ATRNL1: variants seen among roughly 807,000 people sequenced by gnomAD.
ATRNL1 encodes the protein attractin like 1.
A neutral mutation model predicts 182.7 loss-of-function variants in ATRNL1; 95 were observed. The ratio of observed to expected loss-of-function variants is 0.52; its 90% CI spans 0.44 to 0.62. The LOEUF (loss-of-function observed/expected upper bound fraction) is 0.62, where lower values mean the gene tolerates loss of function less well. ATRNL1 is among the 20% of genes least tolerant of loss of function. ATRNL1 has a pLI of 0.00. For synonymous variants in ATRNL1, 576 were observed against 568.3 expected (o/e 1.01, Z -0.19); for missense variants, 1,471 against 1,679.5 (o/e 0.88, Z 2.17).
chr10:115,805,740 GT>G (rs1383795922), intron 27 of ATRNL1, among the ~76,000 whole-genome samples: 2 of 152,124 alleles, frequency 1.3e-5, no homozygotes, highest in African/African-American at 4.8e-5. Context: ...GTGACTAAAA[GT>G]TGTATCTGGT....
At chr10:115,881,692 ATCT>A (rs1197324234) in intron 28 of ATRNL1, among the ~76,000 whole-genome samples, 6 of 152,196 alleles carry the variant, frequency 3.9e-5, no homozygotes, top group African/African-American at 9.7e-5. Flanking sequence ...ATTATAGGCT[ATCT>A]TCTTCTTCCA....
chr10:115,392,341 A>G (rs1844071062), intron 19 of ATRNL1, among the ~76,000 whole-genome samples: 1 of 152,178 alleles, frequency 6.6e-6, no homozygotes. Context: ...TATTCAGTGC[A>G]ATACATTTTT....
chr10:115,787,404 C>T (rs939648597), intron 27 of ATRNL1, among the ~76,000 whole-genome samples: 1 of 152,076 alleles, frequency 6.6e-6, no homozygotes, highest in African/African-American at 2.4e-5. Flanking sequence ...TCCAGGAATA[C>T]TATTCTTTAC....
chr10:115,868,415 A>C (rs1204969439), intron 28 of ATRNL1, among the ~76,000 whole-genome samples: 1 of 152,136 alleles, frequency 6.6e-6, no homozygotes, highest in Non-Finnish European at 1.5e-5. Context: ...CATTTTCTCC[A>C]ACCCACTCAT....
At chr10:115,639,064 G>GAGTTCCC (rs1288799625) in intron 26 of ATRNL1, among the ~76,000 whole-genome samples, 2 of 152,134 alleles carry the variant, frequency 1.3e-5, no homozygotes, top group African/African-American at 4.8e-5. Context: ...GAACACCAAA[G>GAGTTCCC]AGGTTAAATG....
At chr10:115,340,301 C>A (rs565221880) in intron 19 of ATRNL1, among the ~76,000 whole-genome samples, 10 of 152,096 alleles carry the variant, frequency 6.6e-5, no homozygotes, top group African/African-American at 2.4e-4. Context: ...TGCCAACAAG[C>A]CTGGTTAATT....
chr10:115,323,402 TCCCTCCCCTCCCCTCCCCTC>T (rs71010015), intron 18 of ATRNL1, among the ~76,000 whole-genome samples: 5 of 58,598 alleles, frequency 8.5e-5, no homozygotes, highest in Non-Finnish European at 1.3e-4. Flanking sequence ...GCATGATTTC[TCCCTCCCCTCCCCTCCCCTC>T]CCCTCCCCTC....
At chr10:115,831,116 C>T (rs1555093543) in intron 27 of ATRNL1, among the ~76,000 whole-genome samples, 1 of 152,116 alleles carries the variant, frequency 6.6e-6, no homozygotes, top group South Asian at 2.1e-4. Context: ...CCCACCTGCC[C>T]TTGTTCTTCC....
At chr10:115,574,602 G>A (rs1365914073) in intron 26 of ATRNL1, among the ~76,000 whole-genome samples, 1 of 152,072 alleles carries the variant, frequency 6.6e-6, no homozygotes, top group Non-Finnish European at 1.5e-5. Context: ...TGCTAAATGT[G>A]TTACCATCTA....
rs891699762 is a variant in ATRNL1, at chr10:115,807,083, T to C, written c.3904-40794T>C. Reference sequence around the variant, plus strand: ...GTGAGTTACCAGGAACTCCAATGAATGCATGTCGTTGTACTCAGGTACTTT... The same window carrying C: ...GTGAGTTACCAGGAACTCCAATGAACGCATGTCGTTGTACTCAGGTACTTT... On this transcript the variant is annotated intron_variant, in intron 27 of 28. Coordinates refer to ENST00000355044, the MANE Select transcript of ATRNL1 (RefSeq NM_207303.4). Among the ~76,000 whole-genome samples the C allele has an allele frequency of 2.6e-5, 4 of 151,938 alleles. No individual in the cohort carries two copies. In the South Asian group the frequency reaches 8.3e-4, roughly 32 times the overall value.
At chr10:115,109,874 A>T (rs1844184858) in intron 1 of ATRNL1, among the ~76,000 whole-genome samples, 1 of 152,172 alleles carries the variant, frequency 6.6e-6, no homozygotes, top group Non-Finnish European at 1.5e-5. Context: ...TGTACAGTTC[A>T]CTTATGTTTA....
chr10:115,640,123 G>A (rs1859144567), intron 26 of ATRNL1, among the ~76,000 whole-genome samples: 1 of 152,130 alleles, frequency 6.6e-6, no homozygotes, highest in Admixed American at 6.5e-5. Context: ...TCATTTGGCT[G>A]CATAGTATTC....
At chr10:115,547,614 C>T (rs1314588290) in intron 25 of ATRNL1, among the ~76,000 whole-genome samples, 1 of 151,814 alleles carries the variant, frequency 6.6e-6, no homozygotes, top group Non-Finnish European at 1.5e-5. Flanking sequence ...AAGGAATATC[C>T]GTAATTTAAA....
intron 5 of ATRNL1, among the ~76,000 whole-genome samples, chr10:115,132,456 T>C (rs1450437322): frequency 1.3e-5 from 2 of 152,186 alleles, no homozygotes; most frequent in Admixed American, 1.3e-4. Flanking sequence ...AGTAATGGGA[T>C]GGCTGGGTCA....
chr10:115,881,872 A>G (rs1589644011), intron 28 of ATRNL1, among the ~76,000 whole-genome samples: 1 of 152,306 alleles, frequency 6.6e-6, no homozygotes, highest in East Asian at 1.9e-4. Context: ...ACCATTAAAT[A>G]GCTTTGCCAA....
chr10:115,462,304 G>A (rs182120876), intron 22 of ATRNL1, among the ~76,000 whole-genome samples: 14 of 151,980 alleles, frequency 9.2e-5, no homozygotes, highest in South Asian at 2.1e-4. Flanking sequence ...ATACAAGCAC[G>A]GACTGTTCTT....
At chr10:115,410,231 G>A (rs1845065800) in intron 20 of ATRNL1, among the ~76,000 whole-genome samples, 1 of 151,668 alleles carries the variant, frequency 6.6e-6, no homozygotes, top group Admixed American at 6.6e-5. Context: ...GGTTAACCTA[G>A]TCCTGTTTTA....
chr10:115,796,854 C>CAT (rs1555083068), intron 27 of ATRNL1, among the ~76,000 whole-genome samples: 2 of 152,102 alleles, frequency 1.3e-5, no homozygotes, highest in Non-Finnish European at 2.9e-5. Context: ...ATTTTGAAAT[C>CAT]ATAAACTTAA....
rs782541010 is a variant in ATRNL1, at chr10:115,528,037, TCTTCCTTCCTTC to T, written c.3716+8737_3716+8748del. On this transcript the variant is annotated intron_variant, in intron 25 of 28. Coordinates refer to ENST00000355044, the MANE Select transcript of ATRNL1 (RefSeq NM_207303.4). ...TCCTTCCTTCCTTCCCTCCTTCCTTTCTTCCTTCCTTCCTTCCTTCCTTCCTTCCTTCCTTTC... is the reference window on the plus strand; with the variant it reads ...TCCTTCCTTCCTTCCCTCCTTCCTTTCTTCCTTCCTTCCTTCCTTCCTTTC... Among the ~76,000 whole-genome samples, 61 of 53,536 alleles carry T rather than the reference TCTTCCTTCCTTC, an allele frequency of 1.1e-3. 1 individual carries two copies. The East Asian group carries it at 0.012, about 10-fold the overall frequency. The allele number at this position is 53,536 out of a possible 152,430, so 35.1% of individuals were successfully genotyped here. A position where few individuals can be genotyped will look rare whatever the true frequency, so the allele number is the denominator to read the frequency against.
Sources: gnomAD v4.1 joint callset for allele counts (sites outside exome capture counted in the v4.1 genomes callset) on GRCh38, gnomAD v4.1.1 for gene constraint, MANE v1.5 for transcripts, NCBI Gene and HGNC (gene_info 2026-07-23, HGNC 2026-07-21) for gene names.